NLGN1: variants seen among roughly 807,000 people sequenced by gnomAD.
The protein encoded by NLGN1 is neuroligin-1.
In NLGN1, 12 loss-of-function variants were observed where a neutral mutation model predicts 65.5. That is an observed-to-expected ratio of 0.18 (90% CI 0.12 to 0.30). The LOEUF (loss-of-function observed/expected upper bound fraction) is 0.30. NLGN1 is among the 10% of genes least tolerant of loss of function. NLGN1 has a pLI of 1.00. For missense variants in NLGN1, 750 were observed against 1,007.1 expected, an observed-to-expected ratio of 0.74 and a Z score of 3.46; for synonymous variants, 350 against 359.5, an observed-to-expected ratio of 0.97 and a Z score of 0.30.
chr3:173,430,874 A>T (rs1372075071), intron 1 of NLGN1, among the ~76,000 whole-genome samples: 1 of 152,228 alleles, frequency 6.6e-6, no homozygotes, highest in Non-Finnish European at 1.5e-5. Context: ...GCAGATGCTG[A>T]TACCATGCTT....
chr3:173,716,951 T>A (rs1246645571), intron 3 of NLGN1, among the ~76,000 whole-genome samples: 4 of 152,180 alleles, frequency 2.6e-5, no homozygotes, highest in Admixed American at 6.5e-5. Flanking sequence ...TCAATGAAAC[T>A]ATAGCTTTGA....
chr3:173,478,629 G>A (rs369759031), intron 2 of NLGN1, among the ~76,000 whole-genome samples: 275 of 152,254 alleles, frequency 1.8e-3, no homozygotes, highest in African/African-American at 6.5e-3. Flanking sequence ...AGGACAAAAT[G>A]TGAAAATTGG....
intron 2 of NLGN1, among the ~76,000 whole-genome samples, chr3:173,587,647 C>A (rs1372327576): frequency 6.6e-6 from 1 of 152,094 alleles, no homozygotes; most frequent in Non-Finnish European, 1.5e-5. Context: ...AATTTTCTAT[C>A]AGAGTAACAC....
At chr3:173,505,323 G>C (rs899516159) in intron 2 of NLGN1, among the ~76,000 whole-genome samples, 1 of 151,982 alleles carries the variant, frequency 6.6e-6, no homozygotes, top group South Asian at 2.1e-4. Flanking sequence ...GATTGTAATG[G>C]AGCTCCATGC....
chr3:173,555,217 C>T (rs1741520707), intron 2 of NLGN1, among the ~76,000 whole-genome samples: 1 of 152,144 alleles, frequency 6.6e-6, no homozygotes, highest in Non-Finnish European at 1.5e-5. Flanking sequence ...ATGGGCATAA[C>T]ATTTTGGAAG....
At position 173,893,644 on chromosome 3, in the gene NLGN1, A is replaced by G. The variant is rs1735778147; in HGVS notation, c.646+85812A>G. 2.0e-5 allele frequency among the ~76,000 whole-genome samples: 3 copies of G among 152,286 alleles called. No homozygotes were observed. The South Asian group carries it at 6.2e-4, about 32-fold the overall frequency. ...ACTTTCAGATCTTCACCTTGTGTCT[A>G]TCACTTTGTCTTAGGCCCTAAATAA... On this transcript the variant is annotated intron_variant, in intron 4 of 6. Coordinates refer to ENST00000457714, the Ensembl canonical transcript of NLGN1.
At chr3:174,276,934 G>A (rs557035559) in intron 5 of NLGN1, among the ~76,000 whole-genome samples, 2 of 151,826 alleles carry the variant, frequency 1.3e-5, no homozygotes, top group African/African-American at 4.8e-5. Flanking sequence ...TCTCAGGGTC[G>A]CTTGCTCAAA....
chr3:174,002,123 G>A (rs1723424738), intron 4 of NLGN1, among the ~76,000 whole-genome samples: 2 of 151,316 alleles, frequency 1.3e-5, no homozygotes, highest in South Asian at 2.1e-4. Context: ...GAAGGAGGTT[G>A]AAATCAGTAT....
intron 4 of NLGN1, among the ~76,000 whole-genome samples, chr3:174,113,813 A>T (rs2152624925): frequency 6.6e-6 from 1 of 152,240 alleles, no homozygotes; most frequent in Non-Finnish European, 1.5e-5. Flanking sequence ...TTCCTTGTCA[A>T]GTTTTTATTT....
At chr3:174,184,536 G>A (rs1302738715) in intron 4 of NLGN1, among the ~76,000 whole-genome samples, 2 of 152,018 alleles carry the variant, frequency 1.3e-5, no homozygotes, top group African/African-American at 4.8e-5. Flanking sequence ...TGCCTACCAG[G>A]TTATAAGTTC....
chr3:173,738,661 G>A (rs1331740275), intron 3 of NLGN1, among the ~76,000 whole-genome samples: 1 of 152,026 alleles, frequency 6.6e-6, no homozygotes, highest in Non-Finnish European at 1.5e-5. Context: ...GGTAAGTTTT[G>A]AAATGGGAAA....
chr3:173,445,506 G>T (rs1218002313), intron 2 of NLGN1, among the ~76,000 whole-genome samples: 1 of 152,180 alleles, frequency 6.6e-6, no homozygotes, highest in Non-Finnish European at 1.5e-5. Flanking sequence ...ATTTGCCAAT[G>T]ATCTCATAGC....
chr3:174,035,354 G>A (rs1339864297), intron 4 of NLGN1, among the ~76,000 whole-genome samples: 1 of 152,088 alleles, frequency 6.6e-6, no homozygotes, highest in Admixed American at 6.6e-5. Flanking sequence ...TGTCATATAA[G>A]CCTATTCAAA....
chr3:173,793,508 G>A (rs1041969062), intron 3 of NLGN1, among the ~76,000 whole-genome samples: 7 of 152,108 alleles, frequency 4.6e-5, no homozygotes, highest in African/African-American at 1.7e-4. Context: ...AGTAGAAATT[G>A]TTGCAGAATA....
intron 2 of NLGN1, among the ~76,000 whole-genome samples, chr3:173,442,374 T>C (rs1719366643): frequency 6.6e-6 from 1 of 152,196 alleles, no homozygotes; most frequent in Admixed American, 6.5e-5. Flanking sequence ...CAAACAAGTT[T>C]TTCATTATAC....
At chr3:173,937,490 A>C (rs115769296) in intron 4 of NLGN1, among the ~76,000 whole-genome samples, 1 of 152,136 alleles carries the variant, frequency 6.6e-6, no homozygotes, top group African/African-American at 2.4e-5. Context: ...AACTTGATCA[A>C]ATCTTTATAT....
chr3:173,841,970 C>T (rs1724861745), intron 4 of NLGN1, among the ~76,000 whole-genome samples: 1 of 152,078 alleles, frequency 6.6e-6, no homozygotes, highest in Non-Finnish European at 1.5e-5. Context: ...TTTCACACTG[C>T]TGATAAATAC....
At chr3:174,132,318 C>T (rs1311696395) in intron 4 of NLGN1, among the ~76,000 whole-genome samples, 1 of 152,144 alleles carries the variant, frequency 6.6e-6, no homozygotes, top group Non-Finnish European at 1.5e-5. Context: ...TAGCCAAAAC[C>T]TTTCCATAAA....
exon 7 of NLGN1, chr3:174,285,642 G>A (rs1410098396): frequency 6.6e-6 from 1 of 151,284 alleles, no homozygotes; most frequent in Non-Finnish European, 1.5e-5. Flanking sequence ...TTTTTCATAA[G>A]CATTCTGATT....
Sources: gnomAD v4.1 joint callset for allele counts (sites outside exome capture counted in the v4.1 genomes callset) on GRCh38, gnomAD v4.1.1 for gene constraint, MANE v1.5 for transcripts, NCBI Gene and HGNC (gene_info 2026-07-23, HGNC 2026-07-21) for gene names.